GABRA1: variants seen among roughly 807,000 people sequenced by gnomAD.
GABRA1 encodes gamma-aminobutyric acid receptor subunit alpha-1.
In GABRA1, 9 loss-of-function variants were observed where a neutral mutation model predicts 48.9. The observed-to-expected ratio is 0.18, with a 90% CI of 0.11 to 0.32. The LOEUF (loss-of-function observed/expected upper bound fraction) is 0.32, where lower values mean the gene tolerates loss of function less well. GABRA1 is among the 10% of genes least tolerant of loss of function. GABRA1 has a pLI of 1.00. For missense variants in GABRA1, 285 were observed against 553.8 expected, an observed-to-expected ratio of 0.51 and a Z score of 4.87; for synonymous variants, 210 against 198.7, an observed-to-expected ratio of 1.06 and a Z score of -0.48.
At chr5:161,857,514 A>G (rs1445973987) in intron 3 of GABRA1, among the ~76,000 whole-genome samples, 3 of 151,586 alleles carry the variant, frequency 2.0e-5, no homozygotes, top group African/African-American at 7.2e-5. Flanking sequence ...AACTATTTTA[A>G]AAGACTGCCT....
At chr5:161,877,208 T>G (rs1185559880) in intron 6 of GABRA1, among the ~76,000 whole-genome samples, 1 of 152,194 alleles carries the variant, frequency 6.6e-6, no homozygotes, top group African/African-American at 2.4e-5. Context: ...GCCTCCCTAA[T>G]TTTTGGGATT....
chr5:161,855,251 A>C (rs1036300283), intron 3 of GABRA1, among the ~76,000 whole-genome samples: 2 of 151,618 alleles, frequency 1.3e-5, no homozygotes, highest in African/African-American at 4.8e-5. Flanking sequence ...AAATTCAAAC[A>C]ATGATTTTTC....
intron 9 of GABRA1, among the ~76,000 whole-genome samples, chr5:161,896,902 C>G (rs1032743570): frequency 1.4e-4 from 21 of 152,122 alleles, no homozygotes; most frequent in Non-Finnish European, 7.4e-5. Flanking sequence ...TTAATAAAAT[C>G]TAAGGTGTTG....
At chr5:161,874,240 T>C (rs1754247254) in intron 5 of GABRA1, among the ~76,000 whole-genome samples, 1 of 152,160 alleles carries the variant, frequency 6.6e-6, no homozygotes, top group Non-Finnish European at 1.5e-5. Flanking sequence ...GCTGCCAGAA[T>C]GCCTAGCTTT....
chr5:161,887,974 G>A (rs538092756), intron 7 of GABRA1, among the ~76,000 whole-genome samples: 1 of 152,194 alleles, frequency 6.6e-6, no homozygotes, highest in Admixed American at 6.6e-5. Context: ...TATTTGAGAA[G>A]GCAAAGATTG....
At chr5:161,875,040 A>G (rs1377991133) in intron 5 of GABRA1, among the ~76,000 whole-genome samples, 2 of 152,164 alleles carry the variant, frequency 1.3e-5, no homozygotes, top group Admixed American at 1.3e-4. Context: ...GAGATGTTGT[A>G]TTAATCTTAA....
In GABRA1 at chr5:161,891,368, A is replaced by G. The variant is rs1160889263; in HGVS notation, c.856+318A>G. ...AATAAAAACTTAATATTTAAACAAT[A>G]TATTTAGAATATATAACATGAATCA... On this transcript the variant is annotated intron_variant, in intron 8 of 9. Transcript: ENST00000393943. Among the ~76,000 whole-genome samples the G allele has an allele frequency of 2.6e-5, 4 of 152,302 alleles. No individual in the cohort carries two copies. The South Asian group carries it at 6.2e-4, about 24-fold the overall frequency.
rs1430969533 is a variant in GABRA1, at chr5:161,899,628, A to T, written c.*2206A>T. 6.6e-6 allele frequency: 1 copy of T among 152,172 alleles called. No individual in the cohort carries two copies. The highest frequency in any genetic ancestry group is 1.5e-5 in the Non-Finnish European group (1 of 68,010). The allele number at this position is 152,172 out of a possible 1,614,324, so 9.4% of individuals were successfully genotyped here. ...TGGATAGTATTCTACTGTATAAATG[A>T]TTGCAAAGTTTATCAAAAACAAATT... On this transcript the variant is annotated 3_prime_UTR_variant, in exon 10 of 10. Coordinates refer to ENST00000393943, the MANE Select transcript of GABRA1 (RefSeq NM_001127644.2).
intron 6 of GABRA1, among the ~76,000 whole-genome samples, chr5:161,878,703 A>G (rs6556562): frequency 0.46 from 70,059 of 151,926 alleles, 16,808 homozygotes; most frequent in East Asian, 0.62. Flanking sequence ...GGCAATGTGC[A>G]TGATACAACT....
chr5:161,895,874 T>C lies in GABRA1; in HGVS notation c.1059+6T>C. The C allele has an allele frequency of 6.2e-7, 1 of 1,608,638 alleles. No individual in the cohort carries two copies. Among genetic ancestry groups the C allele is most frequent in the Non-Finnish European group, 8.5e-7 (1 of 1,174,990 alleles). On this transcript the variant is annotated splice_donor_region_variant and intron_variant, in intron 9 of 9. Coordinates refer to ENST00000393943, the MANE Select transcript of GABRA1 (RefSeq NM_001127644.2). ...AAAGTGTGGTTCCAGAAAAGGTAAA[T>C]GCTTTAATGGTCACTGTAGTACATC...
At chr5:161,891,201 T>C (rs1431689255) in intron 8 of GABRA1, 151 bp downstream of exon 8, 2 of 738,974 alleles carry the variant, frequency 2.7e-6, no homozygotes, top group Non-Finnish European at 4.6e-6. Flanking sequence ...ACTCTCATTA[T>C]GGTATATATT....
In GABRA1 at chr5:161,896,572, C is replaced by A. The variant is rs959050776; in HGVS notation, c.1060-539C>A. Reference sequence around the variant, plus strand: ...ACAAGCGTGACAAAATGCAAGTAAGCTTTGGGATGCTGTGATGAAGAGCAA... The same window carrying A: ...ACAAGCGTGACAAAATGCAAGTAAGATTTGGGATGCTGTGATGAAGAGCAA... On this transcript the variant is annotated intron_variant, in intron 9 of 9. Coordinates refer to ENST00000393943, the MANE Select transcript of GABRA1 (RefSeq NM_001127644.2). 1.1e-3 allele frequency among the ~76,000 whole-genome samples: 161 copies of A among 152,218 alleles called. 2 individuals are homozygous for A. Among genetic ancestry groups the A allele is most frequent in the East Asian group, 3.9e-4 (2 of 5,178 alleles).
chr5:161,889,327 A>T (rs1005893615), intron 7 of GABRA1, among the ~76,000 whole-genome samples: 1 of 152,098 alleles, frequency 6.6e-6, no homozygotes, highest in African/African-American at 2.4e-5. Flanking sequence ...CTTCTTTATT[A>T]TCCCCATATT....
chr5:161,894,566 T>C (rs1009011878), intron 8 of GABRA1, among the ~76,000 whole-genome samples: 14 of 152,170 alleles, frequency 9.2e-5, no homozygotes, highest in Admixed American at 5.9e-4. Flanking sequence ...ATAGAGCTAA[T>C]AAGTGGTAGG....
In GABRA1 at chr5:161,882,546, G is replaced by C; in HGVS notation, c.560-12G>C. 2 of 1,611,986 alleles carry C rather than the reference G, an allele frequency of 1.2e-6. No homozygotes were observed. The highest frequency in any genetic ancestry group is 1.7e-6 in the Non-Finnish European group (2 of 1,178,348). On this transcript the variant is annotated splice_polypyrimidine_tract_variant and intron_variant, in intron 6 of 9. Transcript: ENST00000393943. ...TAAAATATATGGATCATTTTCTACT[G>C]TTTCCTTTTAGATGCTTATACAAGA...
chr5:161,874,413 C>T (rs138918777), intron 5 of GABRA1, among the ~76,000 whole-genome samples: 43 of 151,934 alleles, frequency 2.8e-4, no homozygotes, highest in Non-Finnish European at 5.0e-4. Context: ...ATTATCTAAG[C>T]AGGACCTATT....
chr5:161,895,566 A>G (rs1056812852), intron 8 of GABRA1, 100 bp from the exon 9 acceptor site: 31 of 1,074,190 alleles, frequency 2.9e-5, no homozygotes, highest in Non-Finnish European at 4.0e-5. Flanking sequence ...ACATTCTGTC[A>G]TGATACTGTT....
intron 3 of GABRA1, among the ~76,000 whole-genome samples, chr5:161,854,534 C>T (rs1331039768): frequency 1.3e-5 from 2 of 151,642 alleles, no homozygotes; most frequent in South Asian, 2.1e-4. Context: ...TTCTGTGTAA[C>T]GATTTTATCA....
chr5:161,850,835 G>C lies in GABRA1; in HGVS notation c.25G>C (p.Asp9His). ...GATGAGGAAAAGTCCAGGTCTGTCT[G>C]ACTGTCTTTGGGCCTGGATCCTCCT... is the stretch of plus-strand genomic sequence containing the variant. MRKSPGLS[D>H]CLWAWILLLS... Residue 9 changes from aspartate to histidine, a missense_variant, in exon 2 of 10, where the codon GAC (aspartate) becomes CAC (histidine). This residue lies in a region of GABRA1 where 45 missense variants were observed against 39.9 expected (regional missense o/e 1.13). Transcript: ENST00000393943. 6.2e-7 allele frequency: 1 copy of C among 1,614,128 alleles called. No individual in the cohort carries two copies. The highest frequency in any genetic ancestry group is 8.5e-7 in the Non-Finnish European group (1 of 1,179,966).
Sources: allele counts gnomAD v4.1 joint callset (sites outside exome capture counted in the v4.1 genomes callset), GRCh38; gene constraint gnomAD v4.1.1; regional missense constraint gnomAD v4.1.1; transcripts MANE v1.5; gene names NCBI Gene and HGNC (gene_info 2026-07-23, HGNC 2026-07-21).